Variants in DVL1 observed in about 807,000 individuals in gnomAD.
The protein encoded by DVL1 is segment polarity protein dishevelled homolog DVL-1.
A neutral mutation model predicts 65.0 loss-of-function variants in DVL1; 49 were observed. The ratio of observed to expected loss-of-function variants is 0.75; its 90% CI spans 0.60 to 0.96. The LOEUF (loss-of-function observed/expected upper bound fraction) is 0.96, where lower values mean the gene tolerates loss of function less well. DVL1 is among the 40% of genes least tolerant of loss of function. The pLI, the probability that DVL1 is intolerant of heterozygous loss-of-function variation, is 0.00. For missense variants in DVL1, 1,197 were observed against 1,045.4 expected (o/e 1.15, Z -2.00); for synonymous variants, 608 against 433.9 (o/e 1.40, Z -4.99).
chr1:1,345,491 C>T lies in DVL1; in HGVS notation c.171-2733G>A, dbSNP rs545701490. 2.0e-4 allele frequency among the ~76,000 whole-genome samples: 31 copies of T among 152,308 alleles called. No individual in the cohort carries two copies. The East Asian group carries it at 3.7e-3, about 18-fold the overall frequency. Reference sequence around the variant, plus strand: ...AGGCATTGGGGGCGTACCCACAACCCGGGGTCCCCGCGCCTCTGTAGCAGC... The same window carrying T: ...AGGCATTGGGGGCGTACCCACAACCTGGGGTCCCCGCGCCTCTGTAGCAGC... On this transcript the variant is annotated intron_variant, in intron 1 of 14. Transcript: ENST00000378888.
At chr1:1,339,261 T>C in intron 11 of DVL1, 26 bp downstream of exon 11, 1 of 1,548,138 alleles carries the variant, frequency 6.5e-7, no homozygotes, top group South Asian at 1.2e-5. Context: ...CGGTTTCTGC[T>C]GGGGCCCTCA....
At position 1,335,627 on chromosome 1, in the gene DVL1, C is replaced by G. The variant is rs1299144839; in HGVS notation, c.*515G>C. 6.4e-6 allele frequency: 1 copy of G among 155,970 alleles called. No individual in the cohort carries two copies. The highest frequency in any genetic ancestry group is 2.4e-5 in the African/African-American group (1 of 41,476). The allele number at this position is 155,970 out of a possible 1,614,324, so 9.7% of individuals were successfully genotyped here. A position where few individuals can be genotyped will look rare whatever the true frequency, so the allele number is the denominator to read the frequency against. ...GTCCCGTCCTCCACGTACTTTCAGA[C>G]TGTTGCCGGATGGGAGGAGAGAAGG... On this transcript the variant is annotated 3_prime_UTR_variant, in exon 15 of 15. Transcript: ENST00000378888.
chr1:1,341,009 C>T (rs1172438584), intron 5 of DVL1, among the ~76,000 whole-genome samples: 5 of 145,914 alleles, frequency 3.4e-5, no homozygotes, highest in East Asian at 2.1e-4. Flanking sequence ...CACCTGCACA[C>T]GCACCCCTGC....
At position 1,342,742 on chromosome 1, in the gene DVL1, TCTC is replaced by T. The variant is rs1250096023; in HGVS notation, c.184_186del (p.Glu62del). 1 of 1,612,884 alleles carries T rather than the reference TCTC, an allele frequency of 6.2e-7. No individual in the cohort carries two copies. The highest frequency in any genetic ancestry group is 1.3e-5 in the African/African-American group (1 of 74,986). ...GGAAGCTTGGCATTGTCATCAAAGA[TCTC>T]CTCCTTCACCACCCTGTGGGCATAT... is the stretch of plus-strand genomic sequence containing the variant. On this transcript the variant is annotated inframe_deletion, in exon 2 of 15. Coordinates refer to ENST00000378888, the MANE Select transcript of DVL1 (RefSeq NM_001330311.2).
At chr1:1,342,573 G>C (rs1643866240) in intron 2 of DVL1, 89 bp from the exon 3 acceptor site, 2 of 1,574,244 alleles carry the variant, frequency 1.3e-6, no homozygotes, top group East Asian at 2.3e-5. Flanking sequence ...CCAGCAAGCT[G>C]CCCTATCCGC....
chr1:1,337,911 C>G, intron 14 of DVL1, 66 bp downstream of exon 14: 1 of 1,298,708 alleles, frequency 7.7e-7, no homozygotes, highest in Non-Finnish European at 1.1e-6. Flanking sequence ...GGGGGCGGAG[C>G]AGCAGTGGAG....
At position 1,336,262 on chromosome 1, in the gene DVL1, C is replaced by A. The variant is rs751779370; in HGVS notation, c.1968G>T (p.Gly656=). ...CCCGGACAGGGGGTCCCCCGGGTGGCCCCCCCACCACTGTATAGGCCTTGG... is the reference window on the plus strand; with the variant it reads ...CCCGGACAGGGGGTCCCCCGGGTGGACCCCCCACCACTGTATAGGCCTTGG... The part of the protein sequence containing the change: ...PTTKAYTVVG[G]PPGGPPVREL... Residue 656 remains glycine, a synonymous_variant, in exon 15 of 15, where the codon GGG becomes GGT. Coordinates refer to ENST00000378888, the MANE Select transcript of DVL1 (RefSeq NM_001330311.2). The A allele has an allele frequency of 1.9e-6, 3 of 1,559,256 alleles. No homozygotes were observed. The highest frequency in any genetic ancestry group is 3.7e-5 in the Admixed American group (2 of 53,536).
rs766859779 is a variant in DVL1, at chr1:1,339,338, C to T, written c.1156G>A (p.Val386Ile). The T allele has an allele frequency of 2.2e-5, 34 of 1,548,566 alleles. No homozygotes were observed. The highest frequency in any genetic ancestry group is 8.3e-5 in the South Asian group (7 of 83,984). ...RYGTSPCSSA[V>I]TRTSSSSLTS... ...AGTGAGGAGGAGCTGGTGCGCGTGA[C>T]GGCGCTGGAGCAGGGACTCGTACCG... Residue 386 changes from valine (V) to isoleucine (I), a missense_variant, in exon 11 of 15, where the codon GTC (valine) becomes ATC (isoleucine). Physicochemically the swap from Val to Ile is conservative, Grantham distance 29. Coordinates refer to ENST00000378888, the MANE Select transcript of DVL1 (RefSeq NM_001330311.2).
intron 1 of DVL1, among the ~76,000 whole-genome samples, chr1:1,346,198 C>T (rs1299914991): frequency 1.3e-5 from 2 of 152,138 alleles, no homozygotes; most frequent in African/African-American, 2.4e-5. Context: ...CACAGCACCA[C>T]CCAGGACACA....
chr1:1,345,736 G>T (rs1557673713), intron 1 of DVL1, among the ~76,000 whole-genome samples: 1 of 152,202 alleles, frequency 6.6e-6, no homozygotes, highest in South Asian at 2.1e-4. Flanking sequence ...CCCTAGACGT[G>T]GCGTGGTCCC....
chr1:1,338,229 T>TGGGCCCCCCCCCCCCCCCCGGCCCCCCCC, intron 13 of DVL1, 40 bp downstream of exon 13: 1 of 1,522,372 alleles, frequency 6.6e-7, no homozygotes, highest in Non-Finnish European at 9.0e-7. Context: ...CCTCCGGCGT[T>TGGGCCCCCCCCCCCCCCCCGGCCCCCCCC]CCCCTCCCCC....
At chr1:1,337,935 G>C in intron 14 of DVL1, 42 bp downstream of exon 14, 4 of 1,533,126 alleles carry the variant, frequency 2.6e-6, no homozygotes, top group South Asian at 1.1e-5. Flanking sequence ...GGCGGAGCTG[G>C]GGGCGGAGCC....
Position 1,340,044 on chromosome 1 carries a change from C to T in DVL1, c.903G>A (p.Leu301=). ...ADGRIEPGDM[L]LQVNDVNFEN... is the part of the protein sequence containing the mutation. Reference sequence around the variant, plus strand: ...GCAGCCCCCACAGACACACCTGCAGCAACATGTCGCCGGGCTCGATGCGGC... The same window carrying T: ...GCAGCCCCCACAGACACACCTGCAGTAACATGTCGCCGGGCTCGATGCGGC... Residue 301 remains leucine, a synonymous_variant, in exon 8 of 15, where the codon TTG becomes TTA. Transcript: ENST00000378888. 6.2e-7 allele frequency: 1 copy of T among 1,612,064 alleles called. No individual in the cohort carries two copies. Among genetic ancestry groups the T allele is most frequent in the Non-Finnish European group, 8.5e-7 (1 of 1,179,474 alleles).
intron 6 of DVL1, 34 bp from the exon 7 acceptor site, chr1:1,340,350 G>T (rs147874931): frequency 1.1e-5 from 18 of 1,613,772 alleles, no homozygotes; most frequent in East Asian, 2.2e-5. Flanking sequence ...TAAAAGGCAC[G>T]GGGCTGCCCG....
rs113875492 is a variant in DVL1, at chr1:1,340,595, C to T, written c.606-92G>A. ...CCAATACTGAGTGGGAATCGGGGGTCTAGGCCAGGCTTGTTCCAAAGCAGG... is the reference window on the plus strand; with the variant it reads ...CCAATACTGAGTGGGAATCGGGGGTTTAGGCCAGGCTTGTTCCAAAGCAGG... On this transcript the variant is annotated intron_variant, in intron 5 of 14. Coordinates refer to ENST00000378888, the MANE Select transcript of DVL1 (RefSeq NM_001330311.2). 12 of 1,364,652 alleles carry T rather than the reference C, an allele frequency of 8.8e-6. No individual in the cohort carries two copies. In the African/African-American group the frequency reaches 1.2e-4, roughly 13 times the overall value. The allele number at this position is 1,364,652 out of a possible 1,614,324, so 84.5% of individuals were successfully genotyped here.
At chr1:1,344,830 C>A (rs1643893993) in intron 1 of DVL1, among the ~76,000 whole-genome samples, 1 of 152,190 alleles carries the variant, frequency 6.6e-6, no homozygotes, top group Non-Finnish European at 1.5e-5. Context: ...GAGCCCTTGT[C>A]TCTAATGGAC....
At chr1:1,339,500 G>T (rs1643710192) in intron 10 of DVL1, 61 bp from the exon 11 acceptor site, 1 of 1,546,848 alleles carries the variant, frequency 6.5e-7, no homozygotes, top group South Asian at 1.2e-5. Flanking sequence ...AGGGCAGGGT[G>T]CAGGGCACAG....
At chr1:1,339,839 C>G in intron 8 of DVL1, 27 bp from the exon 9 acceptor site, 1 of 1,603,198 alleles carries the variant, frequency 6.2e-7, no homozygotes, top group Non-Finnish European at 8.5e-7. Flanking sequence ...TAGGGTGGTG[C>G]AGGCAGGATG....
chr1:1,338,173 G>C lies in DVL1; in HGVS notation c.1518C>G (p.Thr506=), dbSNP rs747297839. 1 of 1,606,024 alleles carries C rather than the reference G, an allele frequency of 6.2e-7. No homozygotes were observed. Among genetic ancestry groups the C allele is most frequent in the South Asian group, 1.1e-5 (1 of 90,338 alleles). ...CACTGGAGCCACTGTTGAGGTTCAG[G>C]GTGGCGAGATCTGGCGGGGGAGGGT... The part of the protein sequence containing the change: ...VFGDLCSNLA[T]LNLNSGSSGT... The change falls in exon 14 of 15, where the codon ACC becomes ACG. Residue 506 remains threonine, a synonymous_variant. Transcript: ENST00000378888.
Sources: allele counts gnomAD v4.1 joint callset (sites outside exome capture counted in the v4.1 genomes callset), GRCh38; gene constraint gnomAD v4.1.1; transcripts MANE v1.5; gene names NCBI Gene and HGNC (gene_info 2026-07-23, HGNC 2026-07-21).